ABCC1: variants seen among roughly 807,000 people sequenced by gnomAD.
ABCC1 encodes ATP binding cassette subfamily C member 1 (ABCC1 blood group).
In ABCC1, 83 loss-of-function variants were observed where a neutral mutation model predicts 172.9. The ratio of observed to expected loss-of-function variants is 0.48; its 90% CI spans 0.40 to 0.58. The LOEUF (loss-of-function observed/expected upper bound fraction) is 0.58, where lower values mean the gene tolerates loss of function less well. ABCC1 is among the 20% of genes least tolerant of loss of function. The pLI, the probability that ABCC1 is intolerant of heterozygous loss-of-function variation, is 0.00. For missense variants in ABCC1, 1,817 were observed against 2,002.7 expected, an observed-to-expected ratio of 0.91 and a Z score of 1.77; for synonymous variants, 937 against 825.2, an observed-to-expected ratio of 1.14 and a Z score of -2.32.
chr16:16,062,769 C>T (rs914395875), intron 12 of ABCC1, among the ~76,000 whole-genome samples: 4 of 152,234 alleles, frequency 2.6e-5, no homozygotes, highest in Admixed American at 2.0e-4. Flanking sequence ...AGGTGTTTAC[C>T]CAGCGGTAGG....
chr16:16,070,089 C>T (rs1042463285), intron 13 of ABCC1, among the ~76,000 whole-genome samples: 4 of 151,990 alleles, frequency 2.6e-5, no homozygotes, highest in African/African-American at 4.8e-5. Flanking sequence ...GATTCAACAT[C>T]GGCATTTTTT....
At chr16:15,980,575 A>G (rs2046598993) in intron 1 of ABCC1, among the ~76,000 whole-genome samples, 1 of 152,140 alleles carries the variant, frequency 6.6e-6, no homozygotes, top group South Asian at 2.1e-4. Context: ...ACTCACTATA[A>G]TGAGAACAGC....
At chr16:16,078,359 T>A (rs931811239) in intron 15 of ABCC1, among the ~76,000 whole-genome samples, 1 of 152,146 alleles carries the variant, frequency 6.6e-6, no homozygotes, top group Non-Finnish European at 1.5e-5. Context: ...ACTGGGTGAA[T>A]GCTGAGCTTA....
chr16:16,128,383 T>C (rs2045533242), intron 26 of ABCC1, among the ~76,000 whole-genome samples: 1 of 151,470 alleles, frequency 6.6e-6, no homozygotes, highest in Non-Finnish European at 1.5e-5. Flanking sequence ...ACTCCTGACC[T>C]CGTGATCCAC....
intron 28 of ABCC1, among the ~76,000 whole-genome samples, chr16:16,136,021 T>C (rs1314190524): frequency 6.6e-6 from 1 of 152,114 alleles, no homozygotes; most frequent in East Asian, 1.9e-4. Flanking sequence ...GACTTTTTTT[T>C]TTTTTTCCAT....
intron 11 of ABCC1, among the ~76,000 whole-genome samples, chr16:16,055,773 G>A (rs1370638343): frequency 2.0e-5 from 3 of 150,974 alleles, no homozygotes; most frequent in Non-Finnish European, 4.4e-5. Context: ...CCTTTGGTGT[G>A]GTCTTGGGGC....
chr16:16,027,255 A>ATAAATACTTGAGGATT (rs1173104024), intron 5 of ABCC1, among the ~76,000 whole-genome samples: 1 of 152,166 alleles, frequency 6.6e-6, no homozygotes, highest in Non-Finnish European at 1.5e-5. Flanking sequence ...GGGCTGGCTG[A>ATAAATACTTGAGGATT]TAAATACTTG....
chr16:15,955,889 G>T (rs1367056275), intron 1 of ABCC1, among the ~76,000 whole-genome samples: 1 of 152,164 alleles, frequency 6.6e-6, no homozygotes, highest in African/African-American at 2.4e-5. Flanking sequence ...CTGTGCCTGG[G>T]GCTTAGTAAA....
intron 15 of ABCC1, among the ~76,000 whole-genome samples, chr16:16,078,300 G>A (rs1039177087): frequency 2.0e-5 from 3 of 152,182 alleles, no homozygotes; most frequent in Admixed American, 6.5e-5. Context: ...AGGTGCCGTC[G>A]GCAGTGGGAG....
chr16:16,054,360 T>C (rs151078778), intron 11 of ABCC1, among the ~76,000 whole-genome samples: 79 of 152,268 alleles, frequency 5.2e-4, no homozygotes, highest in African/African-American at 1.4e-3. Context: ...TTTTGTCCTT[T>C]AGCGCCCTGC....
intron 1 of ABCC1, among the ~76,000 whole-genome samples, chr16:15,981,333 T>C (rs1170229806): frequency 6.6e-6 from 1 of 152,242 alleles, no homozygotes; most frequent in Non-Finnish European, 1.5e-5. Flanking sequence ...ATTTGCCTTC[T>C]GCACTGCCCT....
At chr16:16,030,125 A>G (rs2048512639) in intron 5 of ABCC1, among the ~76,000 whole-genome samples, 1 of 152,154 alleles carries the variant, frequency 6.6e-6, no homozygotes. Context: ...GGTGGAGAAA[A>G]TACTTGTTTC....
chr16:16,046,368 C>G (rs1332329046), intron 9 of ABCC1, among the ~76,000 whole-genome samples: 1 of 151,314 alleles, frequency 6.6e-6, no homozygotes, highest in Non-Finnish European at 1.5e-5. Flanking sequence ...TTTTTGAGAC[C>G]AGGTCTCACT....
intron 1 of ABCC1, among the ~76,000 whole-genome samples, chr16:15,989,273 T>TG (rs2046807904): frequency 6.6e-6 from 1 of 151,882 alleles, no homozygotes; most frequent in East Asian, 1.9e-4. Flanking sequence ...GGGGGCAGGG[T>TG]GGGGTGCAGC....
chr16:16,032,164 T>C (rs886064376), intron 5 of ABCC1, among the ~76,000 whole-genome samples: 3 of 152,100 alleles, frequency 2.0e-5, no homozygotes, highest in Admixed American at 2.0e-4. Context: ...CTAATTTTTG[T>C]ATTTTTAGGA....
In ABCC1 at chr16:15,953,704, C is replaced by T. The variant is rs184186372; in HGVS notation, c.48+3905C>T. ...GGAAGCTGCAGGTGTGTGTCACCGT[C>T]GATGGAGTGAGCTGGTCCCAGGGTT... On this transcript the variant is annotated intron_variant, in intron 1 of 30. Transcript: ENST00000399410. Among the ~76,000 whole-genome samples the T allele has an allele frequency of 1.4e-3, 211 of 152,278 alleles. 3 individuals carry two copies. Among genetic ancestry groups the T allele is most frequent in the Admixed American group, 0.012 (184 of 15,282 alleles).
intron 1 of ABCC1, among the ~76,000 whole-genome samples, chr16:15,954,611 G>A (rs1216624331): frequency 6.6e-6 from 1 of 152,144 alleles, no homozygotes; most frequent in East Asian, 1.9e-4. Context: ...GGCCAATCAG[G>A]AGCGGATTCA....
intron 24 of ABCC1, among the ~76,000 whole-genome samples, chr16:16,124,139 C>G (rs1468716520): frequency 1.3e-5 from 2 of 152,150 alleles, no homozygotes; most frequent in Non-Finnish European, 2.9e-5. Context: ...TTTACTCGTA[C>G]TAGTTACGCA....
At chr16:16,131,431 C>A (rs929439219) in intron 26 of ABCC1, among the ~76,000 whole-genome samples, 1 of 152,148 alleles carries the variant, frequency 6.6e-6, no homozygotes, top group Non-Finnish European at 1.5e-5. Flanking sequence ...TGGGATACAG[C>A]AGTGAACAAT....
Sources: gnomAD v4.1 joint callset for allele counts (sites outside exome capture counted in the v4.1 genomes callset) on GRCh38, gnomAD v4.1.1 for gene constraint, MANE v1.5 for transcripts, NCBI Gene and HGNC (gene_info 2026-07-23, HGNC 2026-07-21) for gene names.